Variants in GPC3 observed in about 807,000 individuals in gnomAD.
The protein encoded by GPC3 is glypican 3, also known as glypican-3.
A neutral mutation model predicts 34.4 loss-of-function variants in GPC3; 3 were observed. The ratio of observed to expected loss-of-function variants is 0.09; its 90% CI spans 0.04 to 0.23. GPC3 has a LOEUF of 0.23. Among genes scored for constraint, GPC3 ranks in the 10% least tolerant of loss-of-function variants. The pLI, the probability that GPC3 is intolerant of heterozygous loss-of-function variation, is 1.00. For missense variants in GPC3, 351 were observed against 445.6 expected, an observed-to-expected ratio of 0.79 and a Z score of 1.91; for synonymous variants, 177 against 174.0, an observed-to-expected ratio of 1.02 and a Z score of -0.13.
chrX:133,954,518 A>G (rs1297144646), intron 1 of GPC3, among the ~76,000 whole-genome samples: 1 of 108,826 alleles, frequency 9.2e-6, no homozygotes, highest in Non-Finnish European at 1.9e-5. Context: ...AAGTAAAGTA[A>G]GGGAGATACA....
chrX:133,921,979 A>T (rs1407546005), intron 2 of GPC3, among the ~76,000 whole-genome samples: 1 of 112,579 alleles, frequency 8.9e-6, no homozygotes, highest in Non-Finnish European at 1.9e-5. Context: ...CCATCTGGCC[A>T]TTAAGCAGTT....
chrX:133,915,570 C>T (rs2076220518), intron 2 of GPC3, among the ~76,000 whole-genome samples: 1 of 112,390 alleles, frequency 8.9e-6, no homozygotes, highest in East Asian at 2.8e-4. Context: ...TCCCCTAATA[C>T]ATACATTATG....
chrX:133,742,741 A>G (rs1432290227), intron 3 of GPC3, among the ~76,000 whole-genome samples: 1 of 111,688 alleles, frequency 9.0e-6, no homozygotes, highest in African/African-American at 3.3e-5. Context: ...CACTGATTAC[A>G]ATCACTCTTC....
intron 6 of GPC3, among the ~76,000 whole-genome samples, chrX:133,650,490 T>C (rs979962276): frequency 1.9e-4 from 20 of 104,786 alleles, no homozygotes; most frequent in Admixed American, 1.4e-3. Flanking sequence ...CACACACACA[T>C]ATAAAAAATC....
chrX:133,587,161 G>A (rs2069797538), intron 7 of GPC3, among the ~76,000 whole-genome samples: 1 of 111,245 alleles, frequency 9.0e-6, no homozygotes, highest in Admixed American at 9.6e-5. Flanking sequence ...TTTCATATAC[G>A]AATGAGAACA....
chrX:133,909,839 A>C (rs943442036), intron 2 of GPC3, among the ~76,000 whole-genome samples: 1 of 111,556 alleles, frequency 9.0e-6, no homozygotes, highest in Non-Finnish European at 1.9e-5. Context: ...CTCCCAGTGA[A>C]GCCTGGATCT....
At chrX:133,540,744 T>A (rs776151819) in intron 7 of GPC3, among the ~76,000 whole-genome samples, 125 of 111,490 alleles carry the variant, frequency 1.1e-3, no homozygotes, top group African/African-American at 3.7e-3. Context: ...TGGGACATAA[T>A]CTACACCATG....
At chrX:133,882,662 G>A (rs868747236) in intron 2 of GPC3, among the ~76,000 whole-genome samples, 4 of 110,821 alleles carry the variant, frequency 3.6e-5, no homozygotes, top group Non-Finnish European at 5.7e-5. Flanking sequence ...GCCCCAAATC[G>A]AGAGAAAAGT....
chrX:133,791,873 CTTTT>C (rs1206392941), intron 2 of GPC3, among the ~76,000 whole-genome samples: 6 of 92,816 alleles, frequency 6.5e-5, no homozygotes, highest in Admixed American at 1.2e-4. Context: ...CTCTCTCTTT[CTTTT>C]CTTTCTTTCT....
At chrX:133,583,406 C>T (rs947443343) in intron 7 of GPC3, among the ~76,000 whole-genome samples, 1 of 111,124 alleles carries the variant, frequency 9.0e-6, no homozygotes. Context: ...ACTTGGTTGC[C>T]CAGGCTGGAA....
intron 2 of GPC3, among the ~76,000 whole-genome samples, chrX:133,839,258 A>AT (rs778533146): frequency 8.9e-6 from 1 of 111,762 alleles, no homozygotes; most frequent in South Asian, 3.8e-4. Context: ...CCCCCAAAGC[A>AT]TTTTTGGCTC....
intron 2 of GPC3, among the ~76,000 whole-genome samples, chrX:133,851,997 A>G (rs981525003): frequency 8.9e-6 from 1 of 111,965 alleles, no homozygotes; most frequent in Non-Finnish European, 1.9e-5. Flanking sequence ...ATGGATAAAA[A>G]CCATCGCTCA....
intron 2 of GPC3, among the ~76,000 whole-genome samples, chrX:133,951,989 C>T (rs1159934552): frequency 9.0e-6 from 1 of 111,191 alleles, no homozygotes; most frequent in Admixed American, 9.6e-5. Context: ...TTCTATCTGA[C>T]CTCGATCCTC....
chrX:133,555,451 T>C (rs888301211), intron 7 of GPC3, among the ~76,000 whole-genome samples: 6 of 112,462 alleles, frequency 5.3e-5, no homozygotes, highest in African/African-American at 1.6e-4. Context: ...CTCAAATCTA[T>C]CTCTAGCTCA....
At chrX:133,582,049 G>A (rs184225124) in intron 7 of GPC3, among the ~76,000 whole-genome samples, 29 of 111,649 alleles carry the variant, frequency 2.6e-4, no homozygotes, top group African/African-American at 9.4e-4. Flanking sequence ...TGTGGTGTAA[G>A]TATTTCTATC....
intron 2 of GPC3, among the ~76,000 whole-genome samples, chrX:133,910,132 C>T (rs1216113695): frequency 2.7e-5 from 3 of 110,963 alleles, no homozygotes; most frequent in African/African-American, 9.8e-5. Context: ...ATCCATGACA[C>T]CCATTCCATT....
chrX:133,807,603 A>T (rs1344750656), intron 2 of GPC3, among the ~76,000 whole-genome samples: 1 of 111,647 alleles, frequency 9.0e-6, no homozygotes, highest in African/African-American at 3.3e-5. Flanking sequence ...TTGTACAGGT[A>T]ACTCTTTCTA....
chrX:133,642,245 C>T lies in GPC3; in HGVS notation c.1413+19485G>A, dbSNP rs146071305. Among the ~76,000 whole-genome samples the T allele has an allele frequency of 3.0e-3, 332 of 111,768 alleles. 1 individual carries two copies. Among genetic ancestry groups the T allele is most frequent in the Middle Eastern group, 0.019 (4 of 216 alleles). The stretch of plus-strand genomic sequence containing the variant: ...TAAGAAAGAAGTTGCTTTCAAGCTG[C>T]GGTAACTGTTTTTAGCACTACCATA... On this transcript the variant is annotated intron_variant, in intron 6 of 7. Transcript: ENST00000370818.
chrX:133,584,459 G>A (rs2069764686), intron 7 of GPC3, among the ~76,000 whole-genome samples: 1 of 111,877 alleles, frequency 8.9e-6, no homozygotes, highest in South Asian at 3.8e-4. Flanking sequence ...ACCTGAATTT[G>A]TAGAATAGCC....
Sources: gnomAD v4.1 joint callset for allele counts (sites outside exome capture counted in the v4.1 genomes callset) on GRCh38, gnomAD v4.1.1 for gene constraint, MANE v1.5 for transcripts, NCBI Gene and HGNC (gene_info 2026-07-23, HGNC 2026-07-21) for gene names.